The following MANBA variants were observed in gnomAD, a reference collection of about 807,000 sequenced individuals.
The protein encoded by MANBA is mannosidase beta.
Under a neutral mutation model 111.1 loss-of-function variants are expected in MANBA, and 83 were observed. That is an observed-to-expected ratio of 0.75 (90% CI 0.63 to 0.90). The LOEUF (loss-of-function observed/expected upper bound fraction) is 0.90. Ranked by LOEUF, MANBA falls within the 40% of genes least tolerant of loss-of-function variation. The pLI, the probability that MANBA is intolerant of heterozygous loss-of-function variation, is 0.00. For missense variants in MANBA, 1,036 were observed against 1,069.0 expected, an observed-to-expected ratio of 0.97 and a Z score of 0.43; for synonymous variants, 370 against 378.7, an observed-to-expected ratio of 0.98 and a Z score of 0.27.
At chr4:102,634,661 C>A in intron 16 of MANBA, 127 bp downstream of exon 16, 2 of 1,299,702 alleles carry the variant, frequency 1.5e-6, no homozygotes, top group Non-Finnish European at 2.2e-6. Context: ...CAATCTTCCC[C>A]CAGGCCTCAG....
intron 1 of MANBA, chr4:102,734,649 G>T: frequency 6.8e-7 from 1 of 1,472,366 alleles, no homozygotes; most frequent in Non-Finnish European, 9.4e-7. Flanking sequence ...CAGGCAGGGA[G>T]AGGGCCTTGG....
chr4:102,657,778 A>G lies in MANBA; in HGVS notation c.1608T>C (p.Tyr536=). 1 of 1,613,754 alleles carries G rather than the reference A, an allele frequency of 6.2e-7. No individual in the cohort carries two copies. Among genetic ancestry groups the G allele is most frequent in the East Asian group, 2.2e-5 (1 of 44,874 alleles). ...NYFGDVHFYD[Y]ISDCWNWKVF... ...CTTTCCAGTTCCAGCAATCACTGAT[A>G]TAGTCATAAAAATGTACATCACCAA... Residue 536 remains tyrosine, a synonymous_variant, in exon 12 of 17, where the codon TAT becomes TAC. Coordinates refer to ENST00000647097, the MANE Select transcript of MANBA (RefSeq NM_005908.4).
chr4:102,675,230 TACTTAGAGTA>T (rs1224786074), intron 7 of MANBA, among the ~76,000 whole-genome samples: 2 of 152,250 alleles, frequency 1.3e-5, no homozygotes, highest in African/African-American at 4.8e-5. Flanking sequence ...TCCTTGACTT[TACTTAGAGTA>T]AAACTAAAAC....
In MANBA at chr4:102,702,055, G is replaced by A. The variant is rs1218998043; in HGVS notation, c.674-11284C>T. On this transcript the variant is annotated intron_variant, in intron 5 of 16. Coordinates refer to ENST00000647097, the MANE Select transcript of MANBA (RefSeq NM_005908.4). ...CCCATATTTCTTGGAGGCTTTGTTCGTTTCTTTTTATTCTTTTTTCTCTAA... is the reference window on the plus strand; with the variant it reads ...CCCATATTTCTTGGAGGCTTTGTTCATTTCTTTTTATTCTTTTTTCTCTAA... 2.8e-4 allele frequency among the ~76,000 whole-genome samples: 43 copies of A among 152,004 alleles called. 1 individual carries two copies. The highest frequency in any genetic ancestry group is 4.4e-4 in the Non-Finnish European group (30 of 67,942).
At chr4:102,745,096 A>G (rs1222908618) in intron 1 of MANBA, among the ~76,000 whole-genome samples, 1 of 152,132 alleles carries the variant, frequency 6.6e-6, no homozygotes, top group African/African-American at 2.4e-5. Context: ...TGATCTCCAT[A>G]AGCCTCTACT....
At chr4:102,698,410 T>G (rs1410432462) in intron 5 of MANBA, among the ~76,000 whole-genome samples, 1 of 150,130 alleles carries the variant, frequency 6.7e-6, no homozygotes, top group Non-Finnish European at 1.5e-5. Flanking sequence ...CTTTTGGTGT[T>G]TTAGACATGA....
chr4:102,661,431 T>C (rs754838174), intron 11 of MANBA, among the ~76,000 whole-genome samples: 1 of 152,194 alleles, frequency 6.6e-6, no homozygotes, highest in Non-Finnish European at 1.5e-5. Flanking sequence ...GAATGAGGCT[T>C]TGCTCTTGGC....
Position 102,635,886 on chromosome 4 carries a change from C to T in MANBA, c.2136G>A (p.Ser712=), listed in dbSNP as rs149687835. The T allele has an allele frequency of 5.4e-4, 875 of 1,612,480 alleles. 5 individuals are homozygous for T. In the African/African-American group the frequency reaches 6.7e-3, roughly 12 times the overall value. Residue 712 remains serine, a synonymous_variant, in exon 15 of 17, where the codon TCG becomes TCA. Transcript: ENST00000647097. The part of the protein sequence containing the change: ...FYIYGVSDLH[S]DYSMTLSVRV... Reference sequence around the variant, plus strand: ...TTACACTGAGTGTCATCGAATAATCCGAGTGAAGATCTGACACACCATAGA... The same window carrying T: ...TTACACTGAGTGTCATCGAATAATCTGAGTGAAGATCTGACACACCATAGA...
At chr4:102,747,059 A>T (rs1723614276) in intron 1 of MANBA, among the ~76,000 whole-genome samples, 2 of 151,902 alleles carry the variant, frequency 1.3e-5, no homozygotes, top group African/African-American at 4.8e-5. Context: ...CCCCAAAACC[A>T]ATAAAAGAAC....
At chr4:102,710,772 T>C (rs1484477268) in intron 5 of MANBA, among the ~76,000 whole-genome samples, 1 of 151,840 alleles carries the variant, frequency 6.6e-6, no homozygotes, top group Non-Finnish European at 1.5e-5. Context: ...AGGAACAGAG[T>C]GTAAACCCCA....
At chr4:102,657,959 C>G in intron 11 of MANBA, 59 bp from the exon 12 acceptor site, 1 of 1,248,624 alleles carries the variant, frequency 8.0e-7, no homozygotes, top group African/African-American at 1.5e-5. Flanking sequence ...AAGTATGTAT[C>G]ATTTACTTCT....
chr4:102,632,346 A>C lies in MANBA; in HGVS notation c.2416-65T>G, dbSNP rs118026118. ...GGGAAGAGTTATATAGTCTGTATAC[A>C]GTTCCTGTAAACATTTATGTGGGCT... On this transcript the variant is annotated intron_variant, in intron 16 of 16. Transcript: ENST00000647097. 8.4e-4 allele frequency: 1,074 copies of C among 1,277,272 alleles called. 7 individuals carry two copies. The East Asian group carries it at 0.022, about 26-fold the overall frequency. 79.1% of individuals were successfully genotyped at this position (1,277,272 alleles called of 1,614,324 possible).
At chr4:102,730,076 C>A in intron 1 of MANBA, 1 of 851,028 alleles carries the variant, frequency 1.2e-6, no homozygotes, top group Non-Finnish European at 1.8e-6. Context: ...AGGAGCTTAT[C>A]TGGACACTGG....
At chr4:102,652,887 C>A (rs1450671342) in intron 12 of MANBA, among the ~76,000 whole-genome samples, 1 of 152,008 alleles carries the variant, frequency 6.6e-6, no homozygotes, top group Admixed American at 6.6e-5. Context: ...ACAGCTAGAC[C>A]CTCTCTCAAA....
chr4:102,670,841 G>A (rs1003734195), intron 9 of MANBA: 2 of 157,178 alleles, frequency 1.3e-5, no homozygotes, highest in African/African-American at 2.4e-5. Context: ...ACTCCAGCCT[G>A]GGCAACATTT....
intron 13 of MANBA, among the ~76,000 whole-genome samples, chr4:102,640,842 T>C (rs1729848697): frequency 6.6e-6 from 1 of 152,206 alleles, no homozygotes; most frequent in Non-Finnish European, 1.5e-5. Context: ...GATGAGGTTA[T>C]GACTTACATG....
chr4:102,669,010 T>C lies in MANBA; in HGVS notation c.1270A>G (p.Thr424Ala), dbSNP rs1189471524. The change falls in exon 10 of 17, where the codon ACT becomes GCT. Residue 424 changes from threonine to alanine, a missense_variant. Thr to Ala is a moderately conservative substitution (Grantham distance 58). Transcript: ENST00000647097. ...DFMFACALYP[T>A]DQGFLDSVTA... is the part of the protein sequence containing the mutation. ...ACTGAATCCAGGAAGCCCTGATCAGTTGGATAAAGGGCACAGGCAAACATA... is the reference window on the plus strand; with the variant it reads ...ACTGAATCCAGGAAGCCCTGATCAGCTGGATAAAGGGCACAGGCAAACATA... 4 of 1,613,782 alleles carry C rather than the reference T, an allele frequency of 2.5e-6. No individual in the cohort carries two copies. Among genetic ancestry groups the C allele is most frequent in the Non-Finnish European group, 3.4e-6 (4 of 1,179,864 alleles).
At chr4:102,712,717 T>C (rs553244966) in intron 5 of MANBA, among the ~76,000 whole-genome samples, 3 of 151,896 alleles carry the variant, frequency 2.0e-5, no homozygotes, top group Non-Finnish European at 4.4e-5. Flanking sequence ...TTGTCAGAGA[T>C]AGGATTTTGC....
At chr4:102,698,082 T>C (rs1732817203) in intron 5 of MANBA, among the ~76,000 whole-genome samples, 1 of 151,972 alleles carries the variant, frequency 6.6e-6, no homozygotes, top group Admixed American at 6.6e-5. Context: ...TCATTGTGGT[T>C]TTGATTTGCA....
Sources: allele counts gnomAD v4.1 joint callset (sites outside exome capture counted in the v4.1 genomes callset), GRCh38; gene constraint gnomAD v4.1.1; transcripts MANE v1.5; gene names NCBI Gene and HGNC (gene_info 2026-07-23, HGNC 2026-07-21).